The following SPIN1 variants were observed in gnomAD, a reference collection of about 807,000 sequenced individuals.
The protein encoded by SPIN1 is spindlin 1.
Under a neutral mutation model 26.0 loss-of-function variants are expected in SPIN1, and 3 were observed. The ratio of observed to expected loss-of-function variants is 0.12; its 90% confidence interval spans 0.05 to 0.30. The LOEUF is 0.30. SPIN1 is among the 10% of genes least tolerant of loss of function. The pLI is 1.00. For synonymous variants in SPIN1, 101 were observed against 116.5 expected (o/e 0.87, Z 0.86); for missense variants, 126 against 333.4 (o/e 0.38, Z 4.84).
intron 1 of SPIN1, among the ~76,000 whole-genome samples, chr9:88,403,550 A>C (rs2117920290): frequency 6.6e-6 from 1 of 152,168 alleles, no homozygotes; most frequent in East Asian, 1.9e-4. Flanking sequence ...CTCTACAGAA[A>C]ATTTAAAAAA....
chr9:88,401,020 G>C (rs970791932), intron 1 of SPIN1, among the ~76,000 whole-genome samples: 7 of 152,072 alleles, frequency 4.6e-5, no homozygotes, highest in African/African-American at 1.7e-4. Flanking sequence ...TAAAATATTA[G>C]TTCATAAGGA....
intron 2 of SPIN1, among the ~76,000 whole-genome samples, chr9:88,444,479 G>A (rs1587803034): frequency 1.3e-5 from 2 of 151,752 alleles, no homozygotes; most frequent in Non-Finnish European, 1.5e-5. Context: ...TCCTGACCCC[G>A]TGATCCACCC....
At chr9:88,472,557 A>C (rs1240238187) in intron 5 of SPIN1, among the ~76,000 whole-genome samples, 3 of 151,596 alleles carry the variant, frequency 2.0e-5, no homozygotes, top group African/African-American at 7.3e-5. Context: ...CAGTGGCACG[A>C]TCTTGGCTCA....
At chr9:88,398,874 CTT>C (rs917112591) in intron 1 of SPIN1, among the ~76,000 whole-genome samples, 5 of 148,710 alleles carry the variant, frequency 3.4e-5, no homozygotes, top group Admixed American at 3.3e-4. Context: ...GCCTTGTTGA[CTT>C]TTAATTGTAA....
intron 3 of SPIN1, among the ~76,000 whole-genome samples, chr9:88,458,790 G>A (rs1828523385): frequency 6.6e-6 from 1 of 152,166 alleles, no homozygotes. Context: ...TAGAGAGCCA[G>A]GGAAGAGTTG....
chr9:88,445,960 GGTCTTCT>G (rs879690161), intron 2 of SPIN1, among the ~76,000 whole-genome samples: 5 of 151,620 alleles, frequency 3.3e-5, no homozygotes, highest in Admixed American at 2.6e-4. Context: ...TGGTTGTTCG[GGTCTTCT>G]GTATTCCTTT....
At chr9:88,400,327 G>A (rs1330761116) in intron 1 of SPIN1, among the ~76,000 whole-genome samples, 10 of 152,148 alleles carry the variant, frequency 6.6e-5, no homozygotes, top group African/African-American at 2.4e-4. Context: ...GATCTTAGGG[G>A]TATAGTATAA....
intron 3 of SPIN1, among the ~76,000 whole-genome samples, chr9:88,456,650 CAG>C (rs1405661986): frequency 2.6e-5 from 4 of 152,138 alleles, no homozygotes; most frequent in South Asian, 2.1e-4. Context: ...GCTCAGAGGC[CAG>C]AGAGTCTGAC....
chr9:88,432,555 G>T (rs2118050498), intron 2 of SPIN1, among the ~76,000 whole-genome samples: 1 of 151,776 alleles, frequency 6.6e-6, no homozygotes, highest in Non-Finnish European at 1.5e-5. Context: ...CGCGATCTCG[G>T]CTCACTGTAA....
chr9:88,451,072 A>G (rs931892939), intron 3 of SPIN1, among the ~76,000 whole-genome samples: 8 of 149,550 alleles, frequency 5.3e-5, no homozygotes, highest in African/African-American at 2.1e-4. Flanking sequence ...TTTTTAGCAT[A>G]GATTCCTTTC....
chr9:88,449,974 G>A (rs1035597902), intron 3 of SPIN1, among the ~76,000 whole-genome samples: 4 of 152,132 alleles, frequency 2.6e-5, no homozygotes, highest in African/African-American at 9.7e-5. Context: ...GTGATTGGGC[G>A]AAACAAAAGT....
At chr9:88,448,744 T>G (rs1828301965) in intron 2 of SPIN1, among the ~76,000 whole-genome samples, 197 bp from the exon 3 acceptor site, 1 of 152,166 alleles carries the variant, frequency 6.6e-6, no homozygotes. Flanking sequence ...CTCTGCTGCT[T>G]TGTCTTTCAA....
At chr9:88,390,380 G>A (rs1032818250) in intron 1 of SPIN1, among the ~76,000 whole-genome samples, 1 of 152,118 alleles carries the variant, frequency 6.6e-6, no homozygotes, top group Non-Finnish European at 1.5e-5. Context: ...CTCAAATTTG[G>A]CTATCATATT....
At chr9:88,473,581 G>A (rs1828832520) in intron 5 of SPIN1, among the ~76,000 whole-genome samples, 1 of 152,078 alleles carries the variant, frequency 6.6e-6, no homozygotes, top group Non-Finnish European at 1.5e-5. Flanking sequence ...AAGGGCGTCT[G>A]CAATTCTGCA....
At chr9:88,390,428 T>TTA (rs1304154604) in intron 1 of SPIN1, among the ~76,000 whole-genome samples, 3 of 152,342 alleles carry the variant, frequency 2.0e-5, no homozygotes, top group Admixed American at 6.5e-5. Flanking sequence ...TGCCAGAGGT[T>TTA]TAGGTGGTTT....
In SPIN1 at chr9:88,426,590, A is replaced by G. The variant is rs781777706; in HGVS notation, c.51A>G (p.Ala17=). 1.6e-5 allele frequency: 26 copies of G among 1,613,222 alleles called. No individual in the cohort carries two copies. In the South Asian group the frequency reaches 2.6e-4, roughly 16 times the overall value. ...KTPGQRSRAD[A]GHAGVSANMM... Reference sequence around the variant, plus strand: ...CTGGCCAGCGGTCCAGAGCTGATGCAGGTAGGCATTGCGGTTCTACACATA... The same window carrying G: ...CTGGCCAGCGGTCCAGAGCTGATGCGGGTAGGCATTGCGGTTCTACACATA... The change falls in exon 2 of 6, where the codon GCA becomes GCG. Residue 17 remains alanine (A), a splice_region_variant and synonymous_variant. Coordinates refer to ENST00000375859, the MANE Select transcript of SPIN1 (RefSeq NM_006717.3).
chr9:88,468,700 T>A, intron 5 of SPIN1, 95 bp downstream of exon 5: 1 of 716,852 alleles, frequency 1.4e-6, no homozygotes, highest in Non-Finnish European at 2.0e-6. Context: ...GATACATTTT[T>A]ATTTTTGGAT....
At chr9:88,445,921 G>A (rs1360626178) in intron 2 of SPIN1, among the ~76,000 whole-genome samples, 1 of 152,078 alleles carries the variant, frequency 6.6e-6, no homozygotes. Flanking sequence ...CATTCTTTTA[G>A]TATTCTTTAA....
intron 3 of SPIN1, among the ~76,000 whole-genome samples, chr9:88,457,166 T>G (rs1044305944): frequency 6.7e-6 from 1 of 149,224 alleles, no homozygotes; most frequent in African/African-American, 2.5e-5. Flanking sequence ...TTTGCTTTGC[T>G]CTCTCTAGGT....
Sources: gnomAD v4.1 joint callset for allele counts (sites outside exome capture counted in the v4.1 genomes callset) on GRCh38, gnomAD v4.1.1 for gene constraint, MANE v1.5 for transcripts, NCBI Gene and HGNC (gene_info 2026-07-23, HGNC 2026-07-21) for gene names.